UBE2E2: variants seen among roughly 807,000 people sequenced by gnomAD.
UBE2E2 encodes the protein ubiquitin conjugating enzyme E2 E2.
A neutral mutation model predicts 24.7 loss-of-function variants in UBE2E2; 6 were observed. The observed-to-expected ratio is 0.24, with a 90% CI of 0.13 to 0.48. The LOEUF (loss-of-function observed/expected upper bound fraction) is 0.48, where lower values mean the gene tolerates loss of function less well. Ranked by LOEUF, UBE2E2 falls within the 20% of genes least tolerant of loss-of-function variation. The pLI is 0.99. For synonymous variants in UBE2E2, 104 were observed against 83.6 expected (o/e 1.24, Z -1.33); for missense variants, 169 against 245.0 (o/e 0.69, Z 2.07).
At position 23,474,549 on chromosome 3, in the gene UBE2E2, G is replaced by A. The variant is rs1699088144; in HGVS notation, c.228-25059G>A. ...GAATTTATTGTTGAAGGGGGCTTTG[G>A]TGATATCTAATCCACCTTCCTCATC... On this transcript the variant is annotated intron_variant, in intron 3 of 5. Coordinates refer to ENST00000396703, the MANE Select transcript of UBE2E2 (RefSeq NM_152653.4). This position sits in a 1 kb window ranked among gnomAD's most constrained non-coding sequence, Gnocchi z 4.0. Among the ~76,000 whole-genome samples the A allele has an allele frequency of 1.3e-5, 2 of 152,070 alleles. No individual in the cohort carries two copies.
intron 3 of UBE2E2, among the ~76,000 whole-genome samples, chr3:23,309,029 A>G (rs1196843686): frequency 6.6e-6 from 1 of 152,214 alleles, no homozygotes; most frequent in African/African-American, 2.4e-5. Context: ...CAAACTGAAT[A>G]TCCCCCTTCT....
intron 3 of UBE2E2, among the ~76,000 whole-genome samples, chr3:23,283,366 C>G (rs940598368): frequency 3.3e-5 from 5 of 152,272 alleles, no homozygotes; most frequent in Non-Finnish European, 5.9e-5. Context: ...AAAACTCATG[C>G]TATTTCCTCT....
chr3:23,566,076 G>T (rs1696066820), intron 5 of UBE2E2, among the ~76,000 whole-genome samples: 1 of 152,136 alleles, frequency 6.6e-6, no homozygotes, highest in Admixed American at 6.6e-5. Context: ...TTTTTGCCAT[G>T]TATTTTCCCT....
chr3:23,518,667 G>C (rs1001203155), intron 4 of UBE2E2, among the ~76,000 whole-genome samples: 3 of 152,124 alleles, frequency 2.0e-5, no homozygotes, highest in African/African-American at 7.2e-5. Context: ...CCAGGAAGTG[G>C]TGCAGGCTTG....
At position 23,312,179 on chromosome 3, in the gene UBE2E2, A is replaced by G. The variant is rs12496983; in HGVS notation, c.227+94867A>G. On this transcript the variant is annotated intron_variant, in intron 3 of 5. Coordinates refer to ENST00000396703, the MANE Select transcript of UBE2E2 (RefSeq NM_152653.4). The stretch of plus-strand genomic sequence containing the variant: ...TGGAAGCCTCCTGAGGCCTCCCCCC[A>G]AAAAAAAGCTGCTGTGCTTCCTGTA... Among the ~76,000 whole-genome samples the G allele has an allele frequency of 7.9e-5, 12 of 151,876 alleles. No individual in the cohort carries two copies. In the Middle Eastern group the frequency reaches 0.01, roughly 130 times the overall value.
At position 23,255,041 on chromosome 3, in the gene UBE2E2, G is replaced by A. The variant is rs182831056; in HGVS notation, c.227+37729G>A. Among the ~76,000 whole-genome samples the A allele has an allele frequency of 2.8e-4, 41 of 148,016 alleles. 1 individual carries two copies. The East Asian group carries it at 7.4e-3, about 27-fold the overall frequency. On this transcript the variant is annotated intron_variant, in intron 3 of 5. Coordinates refer to ENST00000396703, the MANE Select transcript of UBE2E2 (RefSeq NM_152653.4). Reference sequence around the variant, plus strand: ...AACCTGGCCATCTTAAGAACAGTTCGTTGAGAAATTGCTGAGATCAGTTTA... The same window carrying A: ...AACCTGGCCATCTTAAGAACAGTTCATTGAGAAATTGCTGAGATCAGTTTA...
intron 3 of UBE2E2, chr3:23,389,765 A>T (rs1287461299): frequency 5.8e-6 from 1 of 172,180 alleles, no homozygotes; most frequent in African/African-American, 2.4e-5. Flanking sequence ...TCCCCGATAG[A>T]GTAATGTTGG....
chr3:23,218,392 C>T (rs919086023), intron 3 of UBE2E2, among the ~76,000 whole-genome samples: 3 of 151,960 alleles, frequency 2.0e-5, no homozygotes, highest in African/African-American at 7.2e-5. Context: ...TTTTGTCACT[C>T]TTAGGACTGT....
At chr3:23,331,301 G>A (rs974363453) in intron 3 of UBE2E2, among the ~76,000 whole-genome samples, 2 of 152,170 alleles carry the variant, frequency 1.3e-5, no homozygotes, top group African/African-American at 4.8e-5. Flanking sequence ...TAGGTGCCAG[G>A]TTTAGGTGCA....
chr3:23,577,702 G>A (rs1010823356), intron 5 of UBE2E2, among the ~76,000 whole-genome samples: 6 of 152,170 alleles, frequency 3.9e-5, no homozygotes, highest in Non-Finnish European at 8.8e-5. Flanking sequence ...GATTTTCATT[G>A]TAGATGAAAC....
chr3:23,256,170 A>G (rs1367724505), intron 3 of UBE2E2, among the ~76,000 whole-genome samples: 1 of 152,150 alleles, frequency 6.6e-6, no homozygotes, highest in East Asian at 1.9e-4. Flanking sequence ...TTTCGTTCTT[A>G]ATTTCTGGTT....
chr3:23,351,722 A>G (rs1309640584), intron 3 of UBE2E2, among the ~76,000 whole-genome samples: 1 of 152,164 alleles, frequency 6.6e-6, no homozygotes, highest in East Asian at 1.9e-4. Flanking sequence ...AGGAGCACCC[A>G]GATTCATAAA....
At chr3:23,288,897 C>G (rs932675076) in intron 3 of UBE2E2, among the ~76,000 whole-genome samples, 1 of 152,128 alleles carries the variant, frequency 6.6e-6, no homozygotes, top group Non-Finnish European at 1.5e-5. Context: ...CCCAAGAATA[C>G]ATATTCTCTC....
chr3:23,497,683 A>T (rs796343399), intron 3 of UBE2E2, among the ~76,000 whole-genome samples: 2 of 152,170 alleles, frequency 1.3e-5, no homozygotes, highest in South Asian at 4.1e-4. Context: ...TGCACTCATG[A>T]CGTTCCTTTT....
intron 3 of UBE2E2, among the ~76,000 whole-genome samples, chr3:23,268,625 G>A (rs1194638637): frequency 6.8e-5 from 10 of 147,964 alleles, no homozygotes; most frequent in Admixed American, 1.3e-4. Context: ...TGGCCATACT[G>A]CCCAAGGTAA....
chr3:23,429,374 A>C (rs2125398950), intron 3 of UBE2E2, among the ~76,000 whole-genome samples: 1 of 152,324 alleles, frequency 6.6e-6, no homozygotes, highest in East Asian at 1.9e-4. Context: ...TAATAGGCGT[A>C]AAAAATTTTA....
chr3:23,366,615 A>G (rs1156844998), intron 3 of UBE2E2, among the ~76,000 whole-genome samples: 1 of 152,080 alleles, frequency 6.6e-6, no homozygotes, highest in African/African-American at 2.4e-5. Flanking sequence ...AGAGCCTCCT[A>G]GGGTGGAGGG....
At chr3:23,571,206 C>G (rs540925587) in intron 5 of UBE2E2, among the ~76,000 whole-genome samples, 11 of 150,502 alleles carry the variant, frequency 7.3e-5, no homozygotes, top group Non-Finnish European at 1.5e-4. Flanking sequence ...CTCCAGAGCA[C>G]CACTGCCCCT....
chr3:23,299,005 G>C (rs1020165908), intron 3 of UBE2E2, among the ~76,000 whole-genome samples: 1 of 152,070 alleles, frequency 6.6e-6, no homozygotes, highest in South Asian at 2.1e-4. Context: ...CTTCTTCCTG[G>C]TTTAGTCTTG....
Sources: gnomAD v4.1 joint callset for allele counts (sites outside exome capture counted in the v4.1 genomes callset) on GRCh38, gnomAD v4.1.1 for gene constraint, Gnocchi (gnomAD v3.1) non-coding constraint, MANE v1.5 for transcripts, NCBI Gene and HGNC (gene_info 2026-07-23, HGNC 2026-07-21) for gene names.